The following IQGAP1 variants were observed in gnomAD, a reference collection of about 807,000 sequenced individuals.
The protein encoded by IQGAP1 is IQ motif containing GTPase activating protein 1, also known as ras GTPase-activating-like protein IQGAP1.
In IQGAP1, 66 loss-of-function variants were observed where a neutral mutation model predicts 215.6. That is an observed-to-expected ratio of 0.31 (90% CI 0.25 to 0.38). IQGAP1 has a LOEUF of 0.38. Among genes scored for constraint, IQGAP1 ranks in the 10% least tolerant of loss-of-function variants. The probability of loss-of-function intolerance (pLI) is 1.00; values close to 1 mark genes in which losing one functional copy is unlikely to be tolerated. For missense variants in IQGAP1, 1,712 were observed against 1,997.1 expected (o/e 0.86, Z 2.72); for synonymous variants, 772 against 728.7 (o/e 1.06, Z -0.96).
In IQGAP1 at chr15:90,466,264, A is replaced by G; in HGVS notation, c.1868-5A>G. The G allele has an allele frequency of 6.2e-7, 1 of 1,613,960 alleles. No homozygotes were observed. The highest frequency in any genetic ancestry group is 8.5e-7 in the Non-Finnish European group (1 of 1,179,870). Reference sequence around the variant, plus strand: ...TATTCTGGTAACAGTTCTTTCCCGAAATAGTTGCCTTAGGAATCTTTGCCA... The same window carrying G: ...TATTCTGGTAACAGTTCTTTCCCGAGATAGTTGCCTTAGGAATCTTTGCCA... On this transcript the variant is annotated splice_region_variant and splice_polypyrimidine_tract_variant and intron_variant, in intron 16 of 37. Coordinates refer to ENST00000268182, the MANE Select transcript of IQGAP1 (RefSeq NM_003870.4).
In IQGAP1 at chr15:90,485,924, A is replaced by G. The variant is rs1253960737; in HGVS notation, c.3922-106A>G. The G allele has an allele frequency of 3.9e-6, 3 of 772,808 alleles. No homozygotes were observed. The African/African-American group carries it at 5.2e-5, about 13-fold the overall frequency. 47.9% of individuals were successfully genotyped at this position (772,808 alleles called of 1,614,324 possible). A position where few individuals can be genotyped will look rare whatever the true frequency, so the allele number is the denominator to read the frequency against. The stretch of plus-strand genomic sequence containing the variant: ...ATTTGCTTGTTGTTTCTTTGAATAT[A>G]GGAACTTTGTTGGAACCTCTTTGTG... On this transcript the variant is annotated intron_variant, in intron 30 of 37. Transcript: ENST00000268182.
intron 5 of IQGAP1, among the ~76,000 whole-genome samples, chr15:90,436,019 A>C (rs548695962): frequency 1.7e-4 from 25 of 151,118 alleles, no homozygotes; most frequent in African/African-American, 5.6e-4. Context: ...CTTTGGATCA[A>C]CAGTGACAGA....
At chr15:90,474,739 T>TGGCA in intron 23 of IQGAP1, 46 bp downstream of exon 23, 2 of 1,395,478 alleles carry the variant, frequency 1.4e-6, no homozygotes, top group Non-Finnish European at 2.0e-6. Flanking sequence ...TCATCCTGCT[T>TGGCA]TGTAACCCCT....
At chr15:90,410,347 A>G (rs931770152) in intron 2 of IQGAP1, among the ~76,000 whole-genome samples, 2 of 152,226 alleles carry the variant, frequency 1.3e-5, no homozygotes, top group East Asian at 1.9e-4. Flanking sequence ...TATGTACCCA[A>G]AGGATTATAA....
intron 29 of IQGAP1, among the ~76,000 whole-genome samples, 174 bp downstream of exon 29, chr15:90,483,767 A>G (rs770098505): frequency 1.3e-5 from 2 of 152,234 alleles, no homozygotes; most frequent in Non-Finnish European, 2.9e-5. Flanking sequence ...GAGAATTTTC[A>G]TATGAAATAG....
chr15:90,412,396 C>G (rs548830775), intron 2 of IQGAP1, among the ~76,000 whole-genome samples: 8 of 152,180 alleles, frequency 5.3e-5, no homozygotes, highest in Non-Finnish European at 7.3e-5. Flanking sequence ...CTTTCTCCTA[C>G]AACTGCTCAG....
rs369423481 is a variant in IQGAP1, at chr15:90,500,078, C to T, written c.4944C>T (p.Phe1648=). 3.7e-5 allele frequency: 59 copies of T among 1,609,850 alleles called. No homozygotes were observed. Among genetic ancestry groups the T allele is most frequent in the Admixed American group, 6.7e-5 (4 of 59,990 alleles). The change falls in exon 38 of 38, where the codon TTC becomes TTT. Residue 1648 remains phenylalanine (F), a synonymous_variant. Coordinates refer to ENST00000268182, the MANE Select transcript of IQGAP1 (RefSeq NM_003870.4). The stretch of plus-strand genomic sequence containing the variant: ...AAGTAAATGTCAACCTCCTGATCTT[C>T]CTTCTCAACAAAAAGTTCTACGGGA... ...RAKVNVNLLI[F]LLNKKFYGK
chr15:90,490,473 T>C (rs1297369540), intron 33 of IQGAP1, among the ~76,000 whole-genome samples: 1 of 134,526 alleles, frequency 7.4e-6, no homozygotes, highest in African/African-American at 2.6e-5. Context: ...GGATGGCGAC[T>C]ATGAAGGATG....
At chr15:90,466,152 C>T (rs532072813) in intron 16 of IQGAP1, 61 bp downstream of exon 16, 9 of 1,578,148 alleles carry the variant, frequency 5.7e-6, no homozygotes, top group African/African-American at 5.4e-5. Context: ...GTGCTCCGTA[C>T]AGCTTGACCA....
intron 2 of IQGAP1, among the ~76,000 whole-genome samples, chr15:90,395,971 C>T (rs944471975): frequency 3.9e-5 from 6 of 152,110 alleles, no homozygotes; most frequent in South Asian, 4.1e-4. Context: ...GTGCCCGTAC[C>T]CTAGCTCAAG....
chr15:90,477,626 T>TA (rs776692718), intron 25 of IQGAP1, 39 bp from the exon 26 acceptor site: 2 of 1,436,120 alleles, frequency 1.4e-6, no homozygotes, highest in Admixed American at 3.4e-5. Flanking sequence ...AGTTGATGGG[T>TA]TTTGTGACAA....
chr15:90,499,272 C>T (rs1430308243), intron 37 of IQGAP1, among the ~76,000 whole-genome samples: 1 of 152,202 alleles, frequency 6.6e-6, no homozygotes, highest in Non-Finnish European at 1.5e-5. Context: ...GATTTATCGC[C>T]TCCATCTCTG....
intron 2 of IQGAP1, among the ~76,000 whole-genome samples, chr15:90,424,682 C>A (rs1965195352): frequency 6.6e-6 from 1 of 151,604 alleles, no homozygotes; most frequent in African/African-American, 2.4e-5. Flanking sequence ...ACTAAAAATA[C>A]CAAAAAATTA....
intron 22 of IQGAP1, 144 bp downstream of exon 22, chr15:90,474,277 CAT>C: frequency 2.5e-6 from 2 of 809,422 alleles, no homozygotes; most frequent in Non-Finnish European, 3.9e-6. Context: ...CCTTTGCTAA[CAT>C]GTGGCTAGGT....
chr15:90,399,004 C>CAAA lies in IQGAP1; in HGVS notation c.155+8150_155+8152dup, dbSNP rs771595366. Among the ~76,000 whole-genome samples the CAAA allele has an allele frequency of 1.5e-3, 126 of 86,840 alleles. 1 individual carries two copies. Among genetic ancestry groups the CAAA allele is most frequent in the Middle Eastern group, 0.011 (2 of 176 alleles). The allele number at this position is 86,840 out of a possible 152,430, so 57.0% of individuals were successfully genotyped here. The stretch of plus-strand genomic sequence containing the variant: ...TGGGTGATAGAACCAGACATTGTCT[C>CAAA]AAAAAAAAAAAAAAAAAAAAAGTGA... On this transcript the variant is annotated intron_variant, in intron 2 of 37. Transcript: ENST00000268182.
chr15:90,398,743 C>G (rs1177286656), intron 2 of IQGAP1, among the ~76,000 whole-genome samples: 3 of 152,212 alleles, frequency 2.0e-5, no homozygotes, highest in Non-Finnish European at 4.4e-5. Context: ...TGGCTCACAC[C>G]TGTAATCTCA....
At chr15:90,435,904 G>A (rs1469724302) in intron 5 of IQGAP1, among the ~76,000 whole-genome samples, 1 of 152,124 alleles carries the variant, frequency 6.6e-6, no homozygotes, top group Non-Finnish European at 1.5e-5. Context: ...TTGATAATAT[G>A]TAGGAAGTAT....
In IQGAP1 at chr15:90,474,639, C is replaced by A. The variant is rs199743872; in HGVS notation, c.2730C>A (p.Leu910=). 6 of 1,613,972 alleles carry A rather than the reference C, an allele frequency of 3.7e-6. No individual in the cohort carries two copies. The highest frequency in any genetic ancestry group is 1.7e-5 in the Admixed American group (1 of 60,000). The change falls in exon 23 of 38, where the codon CTC becomes CTA. Residue 910 remains leucine, a synonymous_variant. Coordinates refer to ENST00000268182, the MANE Select transcript of IQGAP1 (RefSeq NM_003870.4). ...IRSNQQLEND[L]NLMDIKIGLL... is the part of the protein sequence containing the mutation. Reference sequence around the variant, plus strand: ...CTAACCAGCAGCTGGAGAATGACCTCAATCTCATGGATATCAAAATTGGAC... The same window carrying A: ...CTAACCAGCAGCTGGAGAATGACCTAAATCTCATGGATATCAAAATTGGAC...
At chr15:90,493,222 G>C (rs572902353) in intron 35 of IQGAP1, among the ~76,000 whole-genome samples, 1 of 147,644 alleles carries the variant, frequency 6.8e-6, no homozygotes, top group Non-Finnish European at 1.5e-5. Flanking sequence ...CAGCCTGGGC[G>C]ACAGAACAAG....
Sources: gnomAD v4.1 joint callset for allele counts (sites outside exome capture counted in the v4.1 genomes callset) on GRCh38, gnomAD v4.1.1 for gene constraint, MANE v1.5 for transcripts, NCBI Gene and HGNC (gene_info 2026-07-23, HGNC 2026-07-21) for gene names.